The following CNTNAP4 variants were observed in gnomAD, a reference collection of about 807,000 sequenced individuals.
The protein encoded by CNTNAP4 is contactin-associated protein-like 4.
In CNTNAP4, 98 loss-of-function variants were observed where a neutral mutation model predicts 148.4. That is an observed-to-expected ratio of 0.66 (90% CI 0.56 to 0.78). The LOEUF (loss-of-function observed/expected upper bound fraction) is 0.78, where lower values mean the gene tolerates loss of function less well. Among genes scored for constraint, CNTNAP4 ranks in the 30% least tolerant of loss-of-function variants. CNTNAP4 has a pLI of 0.00. For missense variants in CNTNAP4, 1,935 were observed against 1,565.6 expected (o/e 1.24, Z -3.98); for synonymous variants, 730 against 565.1 (o/e 1.29, Z -4.14).
intron 3 of CNTNAP4, among the ~76,000 whole-genome samples, chr16:76,409,287 A>G (rs928646899): frequency 9.2e-5 from 14 of 151,980 alleles, no homozygotes; most frequent in African/African-American, 3.4e-4. Flanking sequence ...TGGTTATTCT[A>G]TATATTATGA....
intron 3 of CNTNAP4, among the ~76,000 whole-genome samples, chr16:76,371,933 C>G (rs982916729): frequency 6.6e-6 from 1 of 152,190 alleles, no homozygotes; most frequent in African/African-American, 2.4e-5. Context: ...TCCACTTTTG[C>G]CCCTCACTTT....
At chr16:76,372,515 T>C (rs1043978017) in intron 3 of CNTNAP4, among the ~76,000 whole-genome samples, 1 of 152,140 alleles carries the variant, frequency 6.6e-6, no homozygotes, top group East Asian at 1.9e-4. Flanking sequence ...AGGGACCCAA[T>C]GTGAGATAAT....
chr16:76,336,338 A>G (rs1964022257), intron 2 of CNTNAP4, among the ~76,000 whole-genome samples: 1 of 152,192 alleles, frequency 6.6e-6, no homozygotes. Flanking sequence ...CCTACTGTGA[A>G]CATCTCTTCC....
In CNTNAP4 at chr16:76,559,563, T is replaced by G. The variant is rs529375428; in HGVS notation, c.*880T>G. 6.6e-6 allele frequency among the ~76,000 whole-genome samples: 1 copy of G among 152,174 alleles called. No homozygotes were observed. The highest frequency in any genetic ancestry group is 1.5e-5 in the Non-Finnish European group (1 of 68,034). On this transcript the variant is annotated 3_prime_UTR_variant, in exon 24 of 24. Coordinates refer to ENST00000611870, the MANE Select transcript of CNTNAP4 (RefSeq NM_033401.5). ...AACACAGCAAAAAATTATTATTTAATTTACAACTGTAATACCTCAAATGAA... is the reference window on the plus strand; with the variant it reads ...AACACAGCAAAAAATTATTATTTAAGTTACAACTGTAATACCTCAAATGAA...
At chr16:76,435,105 G>A (rs1326187692) in intron 4 of CNTNAP4, among the ~76,000 whole-genome samples, 1 of 152,102 alleles carries the variant, frequency 6.6e-6, no homozygotes, top group Non-Finnish European at 1.5e-5. Context: ...TTGTCAGTAG[G>A]GTAGTAGGGT....
At chr16:76,478,751 C>T (rs1284092577) in intron 11 of CNTNAP4, among the ~76,000 whole-genome samples, 1 of 151,988 alleles carries the variant, frequency 6.6e-6, no homozygotes, top group Non-Finnish European at 1.5e-5. Context: ...ACACTGAAAC[C>T]ACTTGAAGGC....
At chr16:76,354,692 C>G (rs527721738) in intron 2 of CNTNAP4, among the ~76,000 whole-genome samples, 3 of 152,198 alleles carry the variant, frequency 2.0e-5, no homozygotes, top group Non-Finnish European at 4.4e-5. Context: ...TGGGAACAAG[C>G]TCCAACCCAC....
intron 1 of CNTNAP4, among the ~76,000 whole-genome samples, chr16:76,300,258 A>G (rs984714017): frequency 4.6e-5 from 7 of 152,204 alleles, no homozygotes; most frequent in Admixed American, 2.0e-4. Context: ...GTTGCTTATA[A>G]GCAGATATCT....
chr16:76,550,593 T>G (rs1221547691), intron 21 of CNTNAP4, among the ~76,000 whole-genome samples: 3 of 152,122 alleles, frequency 2.0e-5, no homozygotes, highest in African/African-American at 7.2e-5. Context: ...AGAAGAAATG[T>G]GAAAAGCACT....
At chr16:76,341,629 C>T (rs1964476385) in intron 2 of CNTNAP4, among the ~76,000 whole-genome samples, 1 of 152,032 alleles carries the variant, frequency 6.6e-6, no homozygotes, top group Admixed American at 6.6e-5. Context: ...TTAAGTTTAA[C>T]AAATCTATAG....
In CNTNAP4 at chr16:76,369,525, C is replaced by T. The variant is rs570728299; in HGVS notation, c.390+14014C>T. ...GACCAGAAGCTCAGATGTCCAAAGGCAGAAGAACATGAATGCTTCAGCTCA... is the reference window on the plus strand; with the variant it reads ...GACCAGAAGCTCAGATGTCCAAAGGTAGAAGAACATGAATGCTTCAGCTCA... On this transcript the variant is annotated intron_variant, in intron 3 of 23. Transcript: ENST00000611870. Among the ~76,000 whole-genome samples, 21 of 152,282 alleles carry T rather than the reference C, an allele frequency of 1.4e-4. No individual in the cohort carries two copies. In the East Asian group the frequency reaches 3.7e-3, roughly 27 times the overall value.
chr16:76,543,383 A>C (rs531460866), intron 21 of CNTNAP4, among the ~76,000 whole-genome samples: 21 of 152,368 alleles, frequency 1.4e-4, no homozygotes, highest in Admixed American at 1.2e-3. Context: ...AGTTATTAAT[A>C]TTTCAAAGAG....
chr16:76,278,769 G>A (rs1301069380), intron 1 of CNTNAP4, among the ~76,000 whole-genome samples: 2 of 152,336 alleles, frequency 1.3e-5, no homozygotes, highest in Non-Finnish European at 2.9e-5. Flanking sequence ...TTGGGGAACA[G>A]AGGCAGTAAT....
chr16:76,419,641 G>C (rs992797841), intron 3 of CNTNAP4, among the ~76,000 whole-genome samples: 2 of 151,950 alleles, frequency 1.3e-5, no homozygotes, highest in African/African-American at 4.8e-5. Flanking sequence ...GGATGGTCCC[G>C]TCCCTCTAGA....
At chr16:76,515,464 C>A (rs2083210606) in intron 15 of CNTNAP4, among the ~76,000 whole-genome samples, 2 of 152,108 alleles carry the variant, frequency 1.3e-5, no homozygotes, top group South Asian at 4.1e-4. Flanking sequence ...AGAGGAAAGA[C>A]CATGTAAGGT....
At chr16:76,449,992 C>T (rs987208292) in intron 7 of CNTNAP4, 134 bp downstream of exon 7, 22 of 675,476 alleles carry the variant, frequency 3.3e-5, no homozygotes, top group Non-Finnish European at 5.0e-5. Context: ...CTTTGATTGG[C>T]AATATGCATA....
chr16:76,492,009 C>T (rs980042928), intron 13 of CNTNAP4, among the ~76,000 whole-genome samples: 1 of 152,060 alleles, frequency 6.6e-6, no homozygotes, highest in Admixed American at 6.6e-5. Context: ...TGAAATAAGT[C>T]AGAAACAGAA....
intron 1 of CNTNAP4, among the ~76,000 whole-genome samples, chr16:76,312,889 G>A (rs1005744610): frequency 6.6e-6 from 1 of 152,132 alleles, no homozygotes; most frequent in Non-Finnish European, 1.5e-5. Flanking sequence ...AGCACAGAGT[G>A]CTCTCTAAAT....
chr16:76,383,616 C>G (rs1175330424), intron 3 of CNTNAP4, among the ~76,000 whole-genome samples: 1 of 152,058 alleles, frequency 6.6e-6, no homozygotes, highest in South Asian at 2.1e-4. Flanking sequence ...CTTATATGCA[C>G]ATATACTTTT....
Sources: gnomAD v4.1 joint callset for allele counts (sites outside exome capture counted in the v4.1 genomes callset) on GRCh38, gnomAD v4.1.1 for gene constraint, MANE v1.5 for transcripts, NCBI Gene and HGNC (gene_info 2026-07-23, HGNC 2026-07-21) for gene names.